ZNF358: variants seen among roughly 807,000 people sequenced by gnomAD.
ZNF358 encodes zinc finger protein 358.
A neutral mutation model predicts 2.1 loss-of-function variants in ZNF358; 1 was observed. The ratio of observed to expected loss-of-function variants is 0.49; its 90% CI spans 0.17 to 2.30. The LOEUF (loss-of-function observed/expected upper bound fraction) is 2.30, where lower values mean the gene tolerates loss of function less well. Among genes scored for constraint, ZNF358 ranks in the 30% most tolerant of loss-of-function variants. The pLI, the probability that ZNF358 is intolerant of heterozygous loss-of-function variation, is 0.26. For synonymous variants in ZNF358, 381 were observed against 359.7 expected (o/e 1.06, Z -0.67); for missense variants, 665 against 806.8 (o/e 0.82, Z 2.13).
chr19:7,515,619 T>G (rs2022325525), upstream of ZNF358, among the ~76,000 whole-genome samples: 1 of 151,670 alleles, frequency 6.6e-6, no homozygotes, highest in African/African-American at 2.4e-5. Context: ...GTGTAGAGTT[T>G]TACGAACAAA....
At position 7,519,552 on chromosome 19, in the gene ZNF358, C is replaced by G. The variant is rs1271589905; in HGVS notation, c.310C>G (p.Leu104Val). 6.2e-7 allele frequency: 1 copy of G among 1,604,314 alleles called. No homozygotes were observed. The highest frequency in any genetic ancestry group is 1.3e-5 in the African/African-American group (1 of 74,892). Residue 104 changes from leucine (L) to valine (V), a missense_variant, in exon 2 of 2, where the codon CTG (leucine) becomes GTG (valine). By Grantham distance (32) the Leu-to-Val change is conservative. This residue lies in a region of ZNF358 where 206 missense variants were observed against 228.4 expected (regional missense o/e 0.90). Coordinates refer to ENST00000597229, the MANE Select transcript of ZNF358 (RefSeq NM_018083.5). ...TCCAGATGTGATTGGCCCCGTACCC[C>G]TGATTCTCGATCCTAACAGCGACAC... The part of the protein sequence containing the change: ...LDPDVIGPVP[L>V]ILDPNSDTLS...
At chr19:7,515,551 T>A (rs2022324835), upstream of ZNF358, 1 of 152,230 alleles carries the variant, frequency 6.6e-6, no homozygotes, top group East Asian at 1.9e-4. Flanking sequence ...GTTTTTAGAT[T>A]GCAGAGCTGA....
In ZNF358 at chr19:7,519,726, C is replaced by G. The variant is rs771450135; in HGVS notation, c.484C>G (p.Arg162Gly). Reference protein sequence around the residue: ...SCPDCGRAFRRSSGLSQHRRT... With the variant: ...SCPDCGRAFRGSSGLSQHRRT... ...CCCGGATTGCGGGCGAGCCTTCCGC[C>G]GCAGCTCCGGGCTGAGCCAGCATCG... Residue 162 changes from arginine to glycine, a missense_variant, in exon 2 of 2, where the codon CGC (arginine) becomes GGC (glycine). By Grantham distance (125) the Arg-to-Gly change is moderately radical. Transcript: ENST00000597229. The G allele has an allele frequency of 1.1e-5, 17 of 1,564,216 alleles. No individual in the cohort carries two copies. The highest frequency in any genetic ancestry group is 1.5e-5 in the Non-Finnish European group (17 of 1,162,628).
At chr19:7,517,051 C>G (rs2022353395) in intron 1 of ZNF358, among the ~76,000 whole-genome samples, 1 of 152,148 alleles carries the variant, frequency 6.6e-6, no homozygotes, top group Admixed American at 6.5e-5. Flanking sequence ...ATTCCTTTCC[C>G]CAGAAGGGGA....
intron 1 of ZNF358, among the ~76,000 whole-genome samples, chr19:7,518,513 G>T (rs1470103358): frequency 1.5e-5 from 2 of 133,310 alleles, no homozygotes; most frequent in Non-Finnish European, 3.1e-5. Flanking sequence ...AGAGAAGGAA[G>T]GAAAAGAAGG....
chr19:7,518,025 G>C (rs1353989508), intron 1 of ZNF358, among the ~76,000 whole-genome samples: 1 of 152,196 alleles, frequency 6.6e-6, no homozygotes, highest in East Asian at 1.9e-4. Context: ...CACCCACACT[G>C]TTCCCCATGT....
chr19:7,518,037 G>T (rs1260086477), intron 1 of ZNF358, among the ~76,000 whole-genome samples: 1 of 152,218 alleles, frequency 6.6e-6, no homozygotes, highest in Non-Finnish European at 1.5e-5. Context: ...TCCCCATGTG[G>T]GGACGCCCAG....
rs1482017397 is a variant in ZNF358, at chr19:7,519,236, G to A, written c.-7G>A. ...CCCCAGAAGCTGCGGGCACATCCAC[G>A]CCTGAAATGCGGCGCTCAGTCCTGG... is the stretch of plus-strand genomic sequence containing the variant. On this transcript the variant is annotated 5_prime_UTR_variant, in exon 2 of 2. Transcript: ENST00000597229. The A allele has an allele frequency of 2.5e-6, 4 of 1,610,884 alleles. No homozygotes were observed. The South Asian group carries it at 3.3e-5, about 13-fold the overall frequency.
chr19:7,520,562 T>G lies in ZNF358; in HGVS notation c.1320T>G (p.Pro440=). Residue 440 remains proline (P), a synonymous_variant, in exon 2 of 2, where the codon CCT becomes CCG. Transcript: ENST00000597229. This position sits in a 1 kb window ranked among gnomAD's most constrained non-coding sequence, Gnocchi z 6.0. ...CGGGGCAGGTCTCCCTCCTGGGTCC[T>G]GATGCTGTTTCTGTGCTCGGCTCTG... ...MRPGQVSLLG[P]DAVSVLGSGL... 1 of 1,279,030 alleles carries G rather than the reference T, an allele frequency of 7.8e-7. No homozygotes were observed. The highest frequency in any genetic ancestry group is 1.1e-6 in the Non-Finnish European group (1 of 898,774). 79.2% of individuals were successfully genotyped at this position (1,279,030 alleles called of 1,614,324 possible).
rs760368074 is a variant in ZNF358, at chr19:7,519,754, G to T, written c.512G>T (p.Arg171Leu). ...AGCTCCGGGCTGAGCCAGCATCGCC[G>T]CACGCACAGCGGCGAGAAGCCGTAC... is the stretch of plus-strand genomic sequence containing the variant. Reference protein sequence around the residue: ...RRSSGLSQHRRTHSGEKPYRC... With the variant: ...RRSSGLSQHRLTHSGEKPYRC... Residue 171 changes from arginine (R) to leucine (L), a missense_variant, in exon 2 of 2, where the codon CGC becomes CTC. Around this residue, in one of 3 missense-constraint regions of ZNF358, gnomAD observed 210 missense variants for 350.8 expected, o/e 0.60. Transcript: ENST00000597229. The T allele has an allele frequency of 3.9e-6, 6 of 1,531,004 alleles. No individual in the cohort carries two copies. The highest frequency in any genetic ancestry group is 5.2e-6 in the Non-Finnish European group (6 of 1,146,202). 94.8% of individuals were successfully genotyped at this position (1,531,004 alleles called of 1,614,324 possible).
rs1427898778 is a variant in ZNF358 at position 7,520,965 on chromosome 19, C to T, written c.*16C>T. 7 of 1,608,104 alleles carry T rather than the reference C, an allele frequency of 4.4e-6. No individual in the cohort carries two copies. Among genetic ancestry groups the T allele is most frequent in the Middle Eastern group, 1.7e-4 (1 of 6,028 alleles). On this transcript the variant is annotated 3_prime_UTR_variant, in exon 2 of 2. Coordinates refer to ENST00000597229, the MANE Select transcript of ZNF358 (RefSeq NM_018083.5). This position sits in a 1 kb window ranked among gnomAD's most constrained non-coding sequence, Gnocchi z 6.0. ...TGATGGCTGAAGGAGACGCCGGCATCCTCGGGGGCCTGGGGAAGTTGTGTG... is the reference window on the plus strand; with the variant it reads ...TGATGGCTGAAGGAGACGCCGGCATTCTCGGGGGCCTGGGGAAGTTGTGTG...
chr19:7,519,087 A>T, intron 1 of ZNF358, 118 bp from the exon 2 acceptor site: 25 of 1,058,446 alleles, frequency 2.4e-5, no homozygotes, highest in Non-Finnish European at 2.9e-5. Flanking sequence ...AAAAAAAAAA[A>T]GAAGTGGGTT....
chr19:7,520,415 C>A lies in ZNF358; in HGVS notation c.1173C>A (p.Thr391=), dbSNP rs1332495980. The change falls in exon 2 of 2, where the codon ACC becomes ACA. Residue 391 remains threonine (T), a synonymous_variant. Coordinates refer to ENST00000597229, the MANE Select transcript of ZNF358 (RefSeq NM_018083.5). The surrounding 1 kb of genome is among the most constrained non-coding windows in gnomAD (Gnocchi z 6.0). Reference sequence around the variant, plus strand: ...CCTTCGGCCAGGCCTCCAGCCTCACCAAGCACAAACGGGTGCATGAGGGTG... The same window carrying A: ...CCTTCGGCCAGGCCTCCAGCCTCACAAAGCACAAACGGGTGCATGAGGGTG... ...GKAFGQASSL[T]KHKRVHEGAA... is the part of the protein sequence containing the mutation. 1.9e-6 allele frequency: 3 copies of A among 1,611,052 alleles called. No homozygotes were observed. Among genetic ancestry groups the A allele is most frequent in the Non-Finnish European group, 2.5e-6 (3 of 1,179,282 alleles).
At position 7,520,626 on chromosome 19, in the gene ZNF358, C is replaced by T; in HGVS notation, c.1384C>T (p.Pro462Ser). Residue 462 changes from proline to serine, a missense_variant, in exon 2 of 2, where the codon CCT becomes TCT. Pro to Ser is a moderately conservative substitution (Grantham distance 74). Transcript: ENST00000597229. The surrounding 1 kb of genome is among the most constrained non-coding windows in gnomAD (Gnocchi z 6.0). The stretch of plus-strand genomic sequence containing the variant: ...CCCTGGCACCAGCTCTGGCCGCAAC[C>T]CTGACCCTGGCTCTGGGCCGGGCAC... ...LSPGTSSGRNPDPGSGPGTLP... is the reference protein window; with the variant it reads ...LSPGTSSGRNSDPGSGPGTLP... 1 of 1,536,834 alleles carries T rather than the reference C, an allele frequency of 6.5e-7. No homozygotes were observed. Among genetic ancestry groups the T allele is most frequent in the Non-Finnish European group, 8.9e-7 (1 of 1,128,952 alleles).
chr19:7,519,723 C>T lies in ZNF358; in HGVS notation c.481C>T (p.Arg161Cys). Residue 161 changes from arginine to cysteine, a missense_variant, in exon 2 of 2, where the codon CGC (arginine) becomes TGC (cysteine). Around this residue, in one of 3 missense-constraint regions of ZNF358, gnomAD observed 206 missense variants for 228.4 expected, o/e 0.90. Transcript: ENST00000597229. ...FSCPDCGRAF[R>C]RSSGLSQHRR... ...CTGCCCGGATTGCGGGCGAGCCTTCCGCCGCAGCTCCGGGCTGAGCCAGCA... is the reference window on the plus strand; with the variant it reads ...CTGCCCGGATTGCGGGCGAGCCTTCTGCCGCAGCTCCGGGCTGAGCCAGCA... 1 of 1,568,122 alleles carries T rather than the reference C, an allele frequency of 6.4e-7. No individual in the cohort carries two copies. Among genetic ancestry groups the T allele is most frequent in the South Asian group, 1.1e-5 (1 of 88,104 alleles).
Position 7,520,886 on chromosome 19 carries a change from C to T in ZNF358, c.1644C>T (p.Leu548=), listed in dbSNP as rs201137710. Residue 548 remains leucine (L), a synonymous_variant, in exon 2 of 2, where the codon CTC becomes CTT. Transcript: ENST00000597229. This position sits in a 1 kb window ranked among gnomAD's most constrained non-coding sequence, Gnocchi z 6.0. The stretch of plus-strand genomic sequence containing the variant: ...CTCGTGGCACTGTCAGCCCAGCCCT[C>T]CCTACCGGCGAGAGTCCAGAGTGGG... ...SPTRGTVSPA[L]PTGESPEWVQ... The T allele has an allele frequency of 1.2e-6, 2 of 1,614,092 alleles. No individual in the cohort carries two copies. Among genetic ancestry groups the T allele is most frequent in the Non-Finnish European group, 1.7e-6 (2 of 1,180,030 alleles).
intron 1 of ZNF358, among the ~76,000 whole-genome samples, chr19:7,517,624 C>A (rs1193058403): frequency 6.6e-6 from 1 of 152,052 alleles, no homozygotes; most frequent in Non-Finnish European, 1.5e-5. Flanking sequence ...CTATGGGGTT[C>A]ATGAGTCTCC....
intron 1 of ZNF358, among the ~76,000 whole-genome samples, chr19:7,518,976 AGTT>A (rs1568394332): frequency 7.0e-6 from 1 of 142,842 alleles, no homozygotes; most frequent in East Asian, 2.2e-4. Flanking sequence ...GAGGCAGGAG[AGTT>A]GTTTGAACCT....
chr19:7,519,548 A>G lies in ZNF358; in HGVS notation c.306A>G (p.Val102=). Residue 102 remains valine (V), a synonymous_variant, in exon 2 of 2, where the codon GTA becomes GTG. Coordinates refer to ENST00000597229, the MANE Select transcript of ZNF358 (RefSeq NM_018083.5). ...TCGATCCAGATGTGATTGGCCCCGT[A>G]CCCCTGATTCTCGATCCTAACAGCG... ...FDLDPDVIGP[V]PLILDPNSDT... is the part of the protein sequence containing the mutation. 6.2e-7 allele frequency: 1 copy of G among 1,604,860 alleles called. No individual in the cohort carries two copies. Among genetic ancestry groups the G allele is most frequent in the Non-Finnish European group, 8.5e-7 (1 of 1,179,850 alleles).
Sources: allele counts gnomAD v4.1 joint callset (sites outside exome capture counted in the v4.1 genomes callset), GRCh38; gene constraint gnomAD v4.1.1; regional missense constraint gnomAD v4.1.1; non-coding constraint Gnocchi (gnomAD v3.1); transcripts MANE v1.5; gene names NCBI Gene and HGNC (gene_info 2026-07-23, HGNC 2026-07-21).